The following SCYL2 variants were observed in gnomAD, a reference collection of about 807,000 sequenced individuals.
The protein encoded by SCYL2 is SCY1-like protein 2.
SCYL2 carries 36 observed loss-of-function variants against 100.4 expected under a neutral mutation model. The ratio of observed to expected loss-of-function variants is 0.36; its 90% CI spans 0.27 to 0.47. The LOEUF (loss-of-function observed/expected upper bound fraction) is 0.47, where lower values mean the gene tolerates loss of function less well. Among genes scored for constraint, SCYL2 ranks in the 20% least tolerant of loss-of-function variants. The pLI is 1.00. For synonymous variants in SCYL2, 330 were observed against 359.2 expected (o/e 0.92, Z 0.92); for missense variants, 902 against 1,083.9 (o/e 0.83, Z 2.36).
chr12:100,309,133 T>TGTGC (rs1442815826), intron 4 of SCYL2, among the ~76,000 whole-genome samples: 261 of 150,114 alleles, frequency 1.7e-3, no homozygotes, highest in African/African-American at 4.7e-3. Flanking sequence ...TGTGTGTGTG[T>TGTGC]GCGCGCGCGT....
chr12:100,281,019 GTTTTTTTTTTTTTT>G (rs202048587), intron 1 of SCYL2, among the ~76,000 whole-genome samples: 6 of 50,492 alleles, frequency 1.2e-4, no homozygotes, highest in East Asian at 6.2e-4. Context: ...TACCATCAGT[GTTTTTTTTTTTTTT>G]TTTTTTTTTT....
chr12:100,326,861 G>C (rs891734518), intron 12 of SCYL2, 107 bp downstream of exon 12: 17 of 867,890 alleles, frequency 2.0e-5, no homozygotes, highest in Middle Eastern at 2.8e-4. Context: ...TTTCATAATT[G>C]AAGAATGATG....
chr12:100,326,330 G>C (rs1225464782), intron 11 of SCYL2, among the ~76,000 whole-genome samples: 1 of 152,114 alleles, frequency 6.6e-6, no homozygotes, highest in African/African-American at 2.4e-5. Flanking sequence ...AACACATAAT[G>C]TAGTAAAAGT....
intron 12 of SCYL2, 91 bp from the exon 13 acceptor site, chr12:100,329,110 A>C: frequency 1.5e-6 from 1 of 667,212 alleles, no homozygotes; most frequent in Non-Finnish European, 2.7e-6. Flanking sequence ...TACACAGATT[A>C]TCAAGGGATT....
intron 4 of SCYL2, among the ~76,000 whole-genome samples, chr12:100,309,804 T>C (rs1016435669): frequency 3.9e-5 from 6 of 152,140 alleles, no homozygotes; most frequent in African/African-American, 1.4e-4. Context: ...AGAAATAGAA[T>C]TGCTGGATCA....
rs756625501 is a variant in SCYL2 at position 100,311,086 on chromosome 12, G to A, written c.523G>A (p.Val175Met). Reference protein sequence around the residue: ...LSFLHSSVKMVHGNITPENII... With the variant: ...LSFLHSSVKMMHGNITPENII... ...ATTCTTGCATAGCAGTGTGAAAATG[G>A]TGCATGGAAATATCACTCCTGAAAA... The change falls in exon 5 of 18, where the codon GTG becomes ATG. Residue 175 changes from valine to methionine, a missense_variant. Val to Met is a conservative substitution (Grantham distance 21). Coordinates refer to ENST00000360820, the MANE Select transcript of SCYL2 (RefSeq NM_017988.6). The A allele has an allele frequency of 2.5e-6, 4 of 1,604,852 alleles. No homozygotes were observed. The highest frequency in any genetic ancestry group is 3.4e-6 in the Non-Finnish European group (4 of 1,176,348).
intron 4 of SCYL2, among the ~76,000 whole-genome samples, chr12:100,298,710 A>G (rs990064693): frequency 6.6e-6 from 1 of 152,002 alleles, no homozygotes; most frequent in Admixed American, 6.6e-5. Context: ...CAGCCTCCCC[A>G]GTAGCTGGGA....
At chr12:100,324,059 A>C (rs886879446) in intron 11 of SCYL2, among the ~76,000 whole-genome samples, 1 of 152,106 alleles carries the variant, frequency 6.6e-6, no homozygotes, top group South Asian at 2.1e-4. Context: ...TGACTTGCCC[A>C]CTTCTTAAAA....
intron 6 of SCYL2, 33 bp from the exon 7 acceptor site, chr12:100,313,389 A>G (rs2096344547): frequency 1.0e-6 from 1 of 975,450 alleles, no homozygotes; most frequent in African/African-American, 1.6e-5. Context: ...TAAATATTTT[A>G]TACTCATTTA....
At chr12:100,291,776 T>C (rs1004987365) in intron 3 of SCYL2, 116 bp downstream of exon 3, 11 of 908,310 alleles carry the variant, frequency 1.2e-5, no homozygotes, top group African/African-American at 1.8e-5. Flanking sequence ...CTCTAAGTGT[T>C]GAGTTCTTAT....
Position 100,338,887 on chromosome 12 carries a change from A to G in SCYL2, c.2505A>G (p.Thr835=). Residue 835 remains threonine, a synonymous_variant, in exon 18 of 18, where the codon ACA becomes ACG. Transcript: ENST00000360820. ...CAAAGCAGACCCAACAAAGACCCAC[A>G]GATATGTCTGCCCTTAATAATCTCT... ...AGAKQTQQRP[T]DMSALNNLFG... The G allele has an allele frequency of 6.2e-7, 1 of 1,614,162 alleles. No homozygotes were observed. Among genetic ancestry groups the G allele is most frequent in the Non-Finnish European group, 8.5e-7 (1 of 1,179,990 alleles).
intron 1 of SCYL2, 48 bp from the exon 2 acceptor site, chr12:100,282,895 A>G: frequency 1.2e-6 from 1 of 862,574 alleles, no homozygotes; most frequent in Non-Finnish European, 1.8e-6. Context: ...ATAAATGCTT[A>G]TATAGATAAG....
intron 1 of SCYL2, among the ~76,000 whole-genome samples, chr12:100,281,740 A>G (rs1326795817): frequency 1.3e-5 from 2 of 151,598 alleles, no homozygotes; most frequent in Admixed American, 1.3e-4. Context: ...AGGCTGAGGC[A>G]GGAGAATGGC....
chr12:100,284,172 T>C (rs1696695462), intron 2 of SCYL2, among the ~76,000 whole-genome samples: 1 of 152,196 alleles, frequency 6.6e-6, no homozygotes, highest in African/African-American at 2.4e-5. Context: ...TGTGGTAATA[T>C]ATAATAGCAT....
intron 16 of SCYL2, among the ~76,000 whole-genome samples, chr12:100,336,991 A>C (rs1952285925): frequency 6.6e-6 from 1 of 152,156 alleles, no homozygotes; most frequent in African/African-American, 2.4e-5. Context: ...CAGTGAAAGA[A>C]CTGCTAATGT....
At chr12:100,294,016 C>G (rs1197640650) in intron 3 of SCYL2, among the ~76,000 whole-genome samples, 2 of 151,688 alleles carry the variant, frequency 1.3e-5, no homozygotes, top group South Asian at 2.1e-4. Flanking sequence ...CGATTGTCAT[C>G]CTGGCCCGTT....
At chr12:100,290,603 A>C (rs1407568039) in intron 2 of SCYL2, among the ~76,000 whole-genome samples, 1 of 152,216 alleles carries the variant, frequency 6.6e-6, no homozygotes, top group Non-Finnish European at 1.5e-5. Context: ...TAAAATAGAA[A>C]ACTAATTGTC....
At chr12:100,311,299 C>G in intron 5 of SCYL2, 106 bp downstream of exon 5, 1 of 1,093,838 alleles carries the variant, frequency 9.1e-7, no homozygotes, top group Non-Finnish European at 1.2e-6. Flanking sequence ...TTTAGATATA[C>G]AGCTTTATAG....
At chr12:100,325,604 A>G (rs1413608127) in intron 11 of SCYL2, among the ~76,000 whole-genome samples, 1 of 152,174 alleles carries the variant, frequency 6.6e-6, no homozygotes. Context: ...ATTGTGTCTT[A>G]ATACTCTTCC....
Sources: allele counts gnomAD v4.1 joint callset (sites outside exome capture counted in the v4.1 genomes callset), GRCh38; gene constraint gnomAD v4.1.1; transcripts MANE v1.5; gene names NCBI Gene and HGNC (gene_info 2026-07-23, HGNC 2026-07-21).